The following TUBG2 variants were observed in gnomAD, a reference collection of about 807,000 sequenced individuals.
TUBG2 encodes tubulin gamma-2 chain.
TUBG2 carries 39 observed loss-of-function variants against 55.1 expected under a neutral mutation model. The ratio of observed to expected loss-of-function variants is 0.71; its 90% CI spans 0.55 to 0.93. The LOEUF is 0.93. Ranked by LOEUF, TUBG2 falls within the 40% of genes least tolerant of loss-of-function variation. The pLI, the probability that TUBG2 is intolerant of heterozygous loss-of-function variation, is 0.00. For synonymous variants in TUBG2, 223 were observed against 241.0 expected, an observed-to-expected ratio of 0.93 and a Z score of 0.69; for missense variants, 358 against 599.1, an observed-to-expected ratio of 0.60 and a Z score of 4.20.
chr17:42,666,977 A>C lies in TUBG2; in HGVS notation c.*177A>C. The stretch of plus-strand genomic sequence containing the variant: ...CTTTTAATATGCTTGTTCAGCTCTA[A>C]TAAAGTAATAAAGCTTGGTTGTCAG... On this transcript the variant is annotated 3_prime_UTR_variant, in exon 11 of 11. Transcript: ENST00000251412. The C allele has an allele frequency of 1.6e-6, 1 of 633,802 alleles. No homozygotes were observed. Among genetic ancestry groups the C allele is most frequent in the Non-Finnish European group, 2.7e-6 (1 of 370,404 alleles). 39.3% of individuals were successfully genotyped at this position (633,802 alleles called of 1,614,324 possible).
intron 6 of TUBG2, 42 bp from the exon 7 acceptor site, chr17:42,665,434 A>G: frequency 1.2e-6 from 2 of 1,613,342 alleles, no homozygotes; most frequent in Non-Finnish European, 1.7e-6. Context: ...TTCTATGCCC[A>G]TTTTATCCTC....
Position 42,665,775 on chromosome 17 carries a change from C to A in TUBG2, c.791C>A (p.Pro264Gln). 1 of 1,614,226 alleles carries A rather than the reference C, an allele frequency of 6.2e-7. No individual in the cohort carries two copies. ...CTCATCGCCTCGCTCATTCCCACCCCACGGCTCCACTTCCTCATGACCGGC... is the reference window on the plus strand; with the variant it reads ...CTCATCGCCTCGCTCATTCCCACCCAACGGCTCCACTTCCTCATGACCGGC... Reference protein sequence around the residue: ...IGLIASLIPTPRLHFLMTGYT... With the variant: ...IGLIASLIPTQRLHFLMTGYT... The change falls in exon 8 of 11, where the codon CCA (proline) becomes CAA (glutamine). Residue 264 changes from proline to glutamine, a missense_variant. Transcript: ENST00000251412.
rs780261978 is a variant in TUBG2 at position 42,663,435 on chromosome 17, G to A, written c.538G>A (p.Asp180Asn). Residue 180 changes from aspartate (D) to asparagine (N), a missense_variant, in exon 6 of 11, where the codon GAC becomes AAC. Around this residue, in one of 8 missense-constraint regions of TUBG2, gnomAD observed 4 missense variants for 18.4 expected, o/e 0.22. Transcript: ENST00000251412. Reference protein sequence around the residue: ...SVFPYQDEMSDVVVQPYNSLL... With the variant: ...SVFPYQDEMSNVVVQPYNSLL... The stretch of plus-strand genomic sequence containing the variant: ...GTTTCCCTACCAGGACGAGATGAGC[G>A]ACGTAGTGGTTCAGCCCTACAATTC... 2 of 1,614,134 alleles carry A rather than the reference G, an allele frequency of 1.2e-6. No homozygotes were observed. The highest frequency in any genetic ancestry group is 1.7e-6 in the Non-Finnish European group (2 of 1,180,022).
At position 42,664,859 on chromosome 17, in the gene TUBG2, T is replaced by TAC. The variant is rs1185240738; in HGVS notation, c.607-616_607-615insCA. On this transcript the variant is annotated intron_variant, in intron 6 of 10. Coordinates refer to ENST00000251412, the MANE Select transcript of TUBG2 (RefSeq NM_016437.3). ...TTTATTTTTTATTTATATTTATATA[T>TAC]ATATATATATATTATATATATTTAT... Among the ~76,000 whole-genome samples the TAC allele has an allele frequency of 1.1e-3, 45 of 42,854 alleles. No individual in the cohort carries two copies. In the East Asian group the frequency reaches 0.026, roughly 25 times the overall value. 28.1% of individuals were successfully genotyped at this position (42,854 alleles called of 152,430 possible).
At chr17:42,662,914 A>C in intron 4 of TUBG2, 59 bp from the exon 5 acceptor site, 1 of 1,552,370 alleles carries the variant, frequency 6.4e-7, no homozygotes, top group South Asian at 1.1e-5. Context: ...TGGTATCAGA[A>C]TTGTGTTGTG....
Position 42,666,087 on chromosome 17 carries a change from G to A in TUBG2, c.844G>A (p.Val282Met), listed in dbSNP as rs1159512695. ...GYTPLTTDQS[V>M]ASVRKTTVLD... ...GGTCCCTGTCTCACTGTCCCATCAG[G>A]TGGCCAGCGTGAGGAAGACCACGGT... Residue 282 changes from valine to methionine, a missense_variant and splice_region_variant, in exon 9 of 11, where the codon GTG becomes ATG. Transcript: ENST00000251412. 6.2e-7 allele frequency: 1 copy of A among 1,613,976 alleles called. No individual in the cohort carries two copies. Among genetic ancestry groups the A allele is most frequent in the Non-Finnish European group, 8.5e-7 (1 of 1,179,868 alleles).
chr17:42,666,908 T>C lies in TUBG2; in HGVS notation c.*108T>C. The C allele has an allele frequency of 8.2e-7, 1 of 1,213,538 alleles. No homozygotes were observed. 75.2% of individuals were successfully genotyped at this position (1,213,538 alleles called of 1,614,324 possible). A position where few individuals can be genotyped will look rare whatever the true frequency, so the allele number is the denominator to read the frequency against. On this transcript the variant is annotated 3_prime_UTR_variant, in exon 11 of 11. Transcript: ENST00000251412. ...CATGGACAACCCTTCTTGGTTCATC[T>C]CCAGCCCGTGAGCTGGTCCTGCTTC...
intron 4 of TUBG2, 54 bp from the exon 5 acceptor site, chr17:42,662,919 G>T (rs371534218): frequency 4.3e-5 from 67 of 1,570,916 alleles, no homozygotes; most frequent in South Asian, 2.9e-4. Context: ...TCAGAATTGT[G>T]TTGTGAGAGT....
intron 3 of TUBG2, 154 bp from the exon 4 acceptor site, chr17:42,660,485 C>T (rs1211205322): frequency 3.8e-6 from 5 of 1,300,476 alleles, no homozygotes; most frequent in South Asian, 1.3e-5. Flanking sequence ...AAATCATTTG[C>T]AATAGTAGCA....
In TUBG2 at chr17:42,660,179, G is replaced by A; in HGVS notation, c.193G>A (p.Val65Met). The stretch of plus-strand genomic sequence containing the variant: ...CGATGAGCACTACATCCCCCGGGCC[G>A]TGCTGCTGGACTTGGAACCCCGGGT... ...ADDEHYIPRA[V>M]LLDLEPRVIH... Residue 65 changes from valine to methionine, a missense_variant, in exon 3 of 11, where the codon GTG becomes ATG. Val to Met is a conservative substitution (Grantham distance 21). Around this residue, in one of 8 missense-constraint regions of TUBG2, gnomAD observed 32 missense variants for 115.1 expected, o/e 0.28. Transcript: ENST00000251412. The A allele has an allele frequency of 1.9e-6, 3 of 1,608,590 alleles. No homozygotes were observed. The highest frequency in any genetic ancestry group is 1.1e-5 in the South Asian group (1 of 90,838).
At position 42,666,451 on chromosome 17, in the gene TUBG2, G is replaced by A. The variant is rs772554050; in HGVS notation, c.1125G>A (p.Gly375=). 1.2e-5 allele frequency: 20 copies of A among 1,614,034 alleles called. No homozygotes were observed. In the East Asian group the frequency reaches 2.9e-4, roughly 23 times the overall value. Residue 375 remains glycine (G), a synonymous_variant, in exon 10 of 11, where the codon GGG becomes GGA. Coordinates refer to ENST00000251412, the MANE Select transcript of TUBG2 (RefSeq NM_016437.3). ...TGCCCTCGGCCCACCGGGTCAGCGG[G>A]CTCATGATGGCCAACCACACCAGCA... The part of the protein sequence containing the change: ...PYLPSAHRVS[G]LMMANHTSIS...
rs377329461 is a variant in TUBG2 at position 42,666,043 on chromosome 17, G to T, written c.844-44G>T. 111 of 1,613,300 alleles carry T rather than the reference G, an allele frequency of 6.9e-5. No individual in the cohort carries two copies. The African/African-American group carries it at 1.4e-3, about 20-fold the overall frequency. On this transcript the variant is annotated intron_variant, in intron 8 of 10. Coordinates refer to ENST00000251412, the MANE Select transcript of TUBG2 (RefSeq NM_016437.3). Reference sequence around the variant, plus strand: ...CTGCCAAAGAGAAGCCAAAGGGACTGTGCCCTGAGCGCTGGCCGGGTCCCT... The same window carrying T: ...CTGCCAAAGAGAAGCCAAAGGGACTTTGCCCTGAGCGCTGGCCGGGTCCCT...
intron 5 of TUBG2, 62 bp from the exon 6 acceptor site, chr17:42,663,315 C>T (rs2052433641): frequency 6.2e-7 from 1 of 1,604,760 alleles, no homozygotes; most frequent in Admixed American, 1.7e-5. Flanking sequence ...CAAAATGGCA[C>T]ATATGGGCAG....
intron 4 of TUBG2, chr17:42,661,317 C>T (rs941183535): frequency 3.9e-5 from 6 of 152,814 alleles, no homozygotes; most frequent in East Asian, 1.9e-4. Context: ...TTACTAACCA[C>T]TGTACTAAGG....
chr17:42,665,296 C>T (rs1391958786), intron 6 of TUBG2, among the ~76,000 whole-genome samples, 180 bp from the exon 7 acceptor site: 1 of 152,016 alleles, frequency 6.6e-6, no homozygotes, highest in African/African-American at 2.4e-5. Flanking sequence ...ATCCGCCCGT[C>T]TCGGCCTCCC....
At chr17:42,666,045 G>T (rs1224840358) in intron 8 of TUBG2, 42 bp from the exon 9 acceptor site, 1 of 1,613,514 alleles carries the variant, frequency 6.2e-7, no homozygotes, top group Admixed American at 1.7e-5. Context: ...AAGGGACTGT[G>T]CCCTGAGCGC....
At chr17:42,665,377 C>A (rs2052502685) in intron 6 of TUBG2, 99 bp from the exon 7 acceptor site, 1 of 1,579,764 alleles carries the variant, frequency 6.3e-7, no homozygotes, top group Non-Finnish European at 8.7e-7. Context: ...ACTAACAAAC[C>A]TACTTCCTGG....
chr17:42,666,927 C>A lies in TUBG2; in HGVS notation c.*127C>A. On this transcript the variant is annotated 3_prime_UTR_variant, in exon 11 of 11. Coordinates refer to ENST00000251412, the MANE Select transcript of TUBG2 (RefSeq NM_016437.3). ...TTCATCTCCAGCCCGTGAGCTGGTC[C>A]TGCTTCCTCCCTTCCATGCCCTAAC... 1 of 921,880 alleles carries A rather than the reference C, an allele frequency of 1.1e-6. No homozygotes were observed. Among genetic ancestry groups the A allele is most frequent in the Middle Eastern group, 2.9e-4 (1 of 3,488 alleles). 57.1% of individuals were successfully genotyped at this position (921,880 alleles called of 1,614,324 possible).
rs1172409356 is a variant in TUBG2 at position 42,659,323 on chromosome 17, G to A, written c.-181G>A. The stretch of plus-strand genomic sequence containing the variant: ...TGCTGAGGGAGAAAATGATGCCCAG[G>A]TTGGGCTCCCCGGCCCACCGGCCGA... On this transcript the variant is annotated 5_prime_UTR_variant, in exon 1 of 11. Transcript: ENST00000251412. 3.5e-5 allele frequency: 20 copies of A among 568,836 alleles called. No individual in the cohort carries two copies. The South Asian group carries it at 3.8e-4, about 11-fold the overall frequency. 35.2% of individuals were successfully genotyped at this position (568,836 alleles called of 1,614,324 possible).
Sources: allele counts gnomAD v4.1 joint callset (sites outside exome capture counted in the v4.1 genomes callset), GRCh38; gene constraint gnomAD v4.1.1; regional missense constraint gnomAD v4.1.1; transcripts MANE v1.5; gene names NCBI Gene and HGNC (gene_info 2026-07-23, HGNC 2026-07-21).